The following PTS variants were observed in gnomAD, a reference collection of about 807,000 sequenced individuals.
The protein encoded by PTS is 6-pyruvoyltetrahydropterin synthase.
A neutral mutation model predicts 20.6 loss-of-function variants in PTS; 23 were observed. That is an observed-to-expected ratio of 1.12 (90% CI 0.80 to 1.58). The LOEUF is 1.58. PTS is among the 40% of genes most tolerant of loss of function. The pLI is 0.00. For missense variants in PTS, 186 were observed against 182.4 expected, an observed-to-expected ratio of 1.02 and a Z score of -0.11; for synonymous variants, 65 against 62.5, an observed-to-expected ratio of 1.04 and a Z score of -0.19.
At chr11:112,230,179 T>G in intron 2 of PTS, 29 bp from the exon 3 acceptor site, 2 of 1,606,870 alleles carry the variant, frequency 1.2e-6, no homozygotes, top group Non-Finnish European at 8.5e-7. Flanking sequence ...GTCATGCTGT[T>G]TTTTTTGTAT....
chr11:112,233,660 A>C lies in PTS; in HGVS notation c.*105A>C. On this transcript the variant is annotated 3_prime_UTR_variant, in exon 6 of 6. Coordinates refer to ENST00000280362, the MANE Select transcript of PTS (RefSeq NM_000317.3). Reference sequence around the variant, plus strand: ...GTCAACACGTGATTGTTGTACGTACACATTGTGCTCTGGAGTGCCTATTTA... The same window carrying C: ...GTCAACACGTGATTGTTGTACGTACCCATTGTGCTCTGGAGTGCCTATTTA... The C allele has an allele frequency of 6.4e-7, 1 of 1,551,418 alleles. No homozygotes were observed.
At chr11:112,228,411 T>G in intron 1 of PTS, 183 bp from the exon 2 acceptor site, 1 of 615,646 alleles carries the variant, frequency 1.6e-6, no homozygotes, top group Non-Finnish European at 2.8e-6. Flanking sequence ...GAATATGCCA[T>G]GGTTTGTGAC....
At chr11:112,232,108 C>T (rs1380134028) in intron 4 of PTS, among the ~76,000 whole-genome samples, 3 of 152,212 alleles carry the variant, frequency 2.0e-5, no homozygotes, top group South Asian at 2.1e-4. Context: ...GTAAAAGTGG[C>T]TTATCATGGC....
chr11:112,226,728 G>A lies in PTS; in HGVS notation c.83+202G>A, dbSNP rs1859871071. Among the ~76,000 whole-genome samples, 3 of 151,952 alleles carry A rather than the reference G, an allele frequency of 2.0e-5. No homozygotes were observed. The South Asian group carries it at 6.2e-4, about 32-fold the overall frequency. On this transcript the variant is annotated intron_variant, in intron 1 of 5. Transcript: ENST00000280362. ...GCTGGAGTGTCCCCAGCCCTGGAGG[G>A]GTGGGGGAGCTTGATGGTTAACGGA...
At chr11:112,228,330 T>G (rs1859891061) in intron 1 of PTS, 1 of 507,186 alleles carries the variant, frequency 2.0e-6, no homozygotes, top group Non-Finnish European at 3.5e-6. Context: ...GCAGATCAGT[T>G]GCTGTGGAAC....
At chr11:112,233,306 G>T (rs915669792) in intron 5 of PTS, 73 bp downstream of exon 5, 17 of 1,554,326 alleles carry the variant, frequency 1.1e-5, no homozygotes, top group Non-Finnish European at 1.3e-5. Flanking sequence ...ATTGTTGTGT[G>T]ATTTCTGAAG....
At chr11:112,228,456 ACTCT>A (rs1025794353) in intron 1 of PTS, 134 bp from the exon 2 acceptor site, 1 of 708,886 alleles carries the variant, frequency 1.4e-6, no homozygotes, top group African/African-American at 1.8e-5. Context: ...ATGATTTCTG[ACTCT>A]CCCTTTGGTG....
At chr11:112,230,419 T>A in intron 3 of PTS, 189 bp downstream of exon 3, 1 of 825,292 alleles carries the variant, frequency 1.2e-6, no homozygotes, top group Non-Finnish European at 2.1e-6. Context: ...TAATATGCTG[T>A]ATGTGGACAG....
chr11:112,226,481 A>G lies in PTS; in HGVS notation c.38A>G (p.Gln13Arg). The G allele has an allele frequency of 6.3e-7, 1 of 1,582,730 alleles. No individual in the cohort carries two copies. The highest frequency in any genetic ancestry group is 1.2e-5 in the South Asian group (1 of 86,496). The change falls in exon 1 of 6, where the codon CAA (glutamine) becomes CGA (arginine). Residue 13 changes from glutamine (Q) to arginine (R), a missense_variant. Coordinates refer to ENST00000280362, the MANE Select transcript of PTS (RefSeq NM_000317.3). ...TEGGGRRCQA[Q>R]VSRRISFSAS... ...GGTGGTGGCCGTCGCTGCCAGGCAC[A>G]AGTGTCCCGCCGCATCTCCTTCAGC...
At chr11:112,228,735 G>A (rs1859896445) in intron 2 of PTS, 62 bp downstream of exon 2, 1 of 1,450,448 alleles carries the variant, frequency 6.9e-7, no homozygotes, top group African/African-American at 1.4e-5. Context: ...TTCAGCAAAT[G>A]TAGACATAAA....
At chr11:112,230,130 T>G (rs1859911735) in intron 2 of PTS, 78 bp from the exon 3 acceptor site, 1 of 1,351,184 alleles carries the variant, frequency 7.4e-7, no homozygotes, top group South Asian at 1.2e-5. Context: ...CTTGTGCTTG[T>G]ATGTTGCTAA....
Position 112,230,207 on chromosome 11 carries a change from G to C in PTS, c.164-1G>C. Reference sequence around the variant, plus strand: ...TTTTGTATTTTGTTTTCTTTCCATAGTTGTGGTGACAGTACATGGAGAGGT... The same window carrying C: ...TTTTGTATTTTGTTTTCTTTCCATACTTGTGGTGACAGTACATGGAGAGGT... On this transcript the variant is annotated splice_acceptor_variant, in intron 2 of 5. Coordinates refer to ENST00000280362, the MANE Select transcript of PTS (RefSeq NM_000317.3). LOFTEE classifies it high-confidence loss of function. 1 of 1,613,394 alleles carries C rather than the reference G, an allele frequency of 6.2e-7. No homozygotes were observed. Among genetic ancestry groups the C allele is most frequent in the Non-Finnish European group, 8.5e-7 (1 of 1,179,384 alleles).
At chr11:112,230,706 T>C (rs1332950059) in intron 4 of PTS, 24 bp downstream of exon 4, 3 of 1,580,636 alleles carry the variant, frequency 1.9e-6, no homozygotes, top group Non-Finnish European at 2.6e-6. Flanking sequence ...GGGTGCTTAT[T>C]ATGTGCTATT....
Position 112,233,154 on chromosome 11 carries a change from T to C in PTS, c.244-9T>C, listed in dbSNP as rs1157866178. On this transcript the variant is annotated splice_polypyrimidine_tract_variant and intron_variant, in intron 4 of 5. Transcript: ENST00000280362. ...AGTCAATGATATTTTCCCTTGGTTT[T>C]GTCTCTAGGAGGCGATTATGCAGCC... 3 of 1,612,098 alleles carry C rather than the reference T, an allele frequency of 1.9e-6. 1 individual carries two copies. The African/African-American group carries it at 4.0e-5, about 22-fold the overall frequency.
intron 4 of PTS, among the ~76,000 whole-genome samples, chr11:112,231,869 GA>G (rs1859940594): frequency 8.3e-5 from 11 of 132,970 alleles, no homozygotes; most frequent in Non-Finnish European, 7.9e-5. Context: ...GGCAGGCGGA[GA>G]GAGAGAGAGA....
intron 4 of PTS, among the ~76,000 whole-genome samples, chr11:112,231,483 G>A (rs1296476311): frequency 6.6e-6 from 1 of 152,206 alleles, no homozygotes; most frequent in Non-Finnish European, 1.5e-5. Flanking sequence ...AAAGCTGGGA[G>A]TAGATTTCTT....
Position 112,230,639 on chromosome 11 carries a change from C to T in PTS, c.200C>T (p.Thr67Met), listed in dbSNP as rs370340361. 5.0e-5 allele frequency: 80 copies of T among 1,610,406 alleles called. No individual in the cohort carries two copies. The highest frequency in any genetic ancestry group is 7.7e-5 in the South Asian group (7 of 91,004). The change falls in exon 4 of 6, where the codon ACG becomes ATG. Residue 67 changes from threonine to methionine, a missense_variant. Physicochemically the swap from Thr to Met is moderately conservative, Grantham distance 81 (BLOSUM62 -1). Transcript: ENST00000280362. ...TTTATTCTTTAGATTGACCCTGCTA[C>T]GGGAATGGTTATGAATCTGGCTGAT... is the stretch of plus-strand genomic sequence containing the variant. ...VTVHGEIDPA[T>M]GMVMNLADLK...
intron 1 of PTS, among the ~76,000 whole-genome samples, chr11:112,227,020 G>C (rs1447580814): frequency 4.1e-5 from 6 of 147,554 alleles, no homozygotes; most frequent in African/African-American, 1.0e-4. Flanking sequence ...TTTTACCAAA[G>C]ACTGGATGAA....
intron 4 of PTS, among the ~76,000 whole-genome samples, 154 bp downstream of exon 4, chr11:112,230,836 C>T (rs111330439): frequency 0.019 from 2,851 of 152,224 alleles, 42 homozygotes; most frequent in Non-Finnish European, 0.027. Context: ...AAGAACTGCT[C>T]GCATGGCCTC....
Sources: gnomAD v4.1 joint callset for allele counts (sites outside exome capture counted in the v4.1 genomes callset) on GRCh38, gnomAD v4.1.1 for gene constraint, MANE v1.5 for transcripts, NCBI Gene and HGNC (gene_info 2026-07-23, HGNC 2026-07-21) for gene names.